CPED1: variants seen among roughly 807,000 people sequenced by gnomAD.
The protein encoded by CPED1 is cadherin like and PC-esterase domain containing 1.
In CPED1, 114 loss-of-function variants were observed where a neutral mutation model predicts 128.2. The ratio of observed to expected loss-of-function variants is 0.89; its 90% CI spans 0.76 to 1.04. The LOEUF is 1.04. CPED1 is among the 50% of genes least tolerant of loss of function. The pLI is 0.00. For synonymous variants in CPED1, 462 were observed against 426.7 expected, an observed-to-expected ratio of 1.08 and a Z score of -1.02; for missense variants, 1,211 against 1,207.1, an observed-to-expected ratio of 1.00 and a Z score of -0.05.
intron 5 of CPED1, among the ~76,000 whole-genome samples, chr7:121,077,904 T>G (rs1259128016): frequency 1.3e-5 from 2 of 152,068 alleles, no homozygotes; most frequent in East Asian, 3.8e-4. Context: ...TACACCTCAC[T>G]TTCAGGCTTA....
chr7:121,129,306 T>C (rs901105919), intron 11 of CPED1, among the ~76,000 whole-genome samples: 237 of 4,116 alleles, frequency 0.058, 1 homozygote, highest in Admixed American at 0.24. Flanking sequence ...TATATATATA[T>C]ATATACGTAT....
chr7:121,059,993 G>C (rs1793610955), intron 4 of CPED1, among the ~76,000 whole-genome samples: 2 of 152,312 alleles, frequency 1.3e-5, no homozygotes, highest in South Asian at 4.1e-4. Flanking sequence ...GCGGGAACCC[G>C]GGCTGCGCGC....
At chr7:121,153,970 T>C (rs1368277815) in intron 16 of CPED1, among the ~76,000 whole-genome samples, 1 of 152,138 alleles carries the variant, frequency 6.6e-6, no homozygotes, top group Non-Finnish European at 1.5e-5. Context: ...TATATACAAA[T>C]CTGTTATAGA....
At chr7:121,208,956 T>C (rs1044730942) in intron 16 of CPED1, among the ~76,000 whole-genome samples, 3 of 152,016 alleles carry the variant, frequency 2.0e-5, no homozygotes, top group African/African-American at 7.2e-5. Context: ...AAAGAATACA[T>C]GAGTATAGCA....
Position 121,140,816 on chromosome 7 carries a change from T to C in CPED1, c.1700-11T>C, listed in dbSNP as rs1430302229. On this transcript the variant is annotated splice_polypyrimidine_tract_variant and intron_variant, in intron 14 of 22. Coordinates refer to ENST00000310396, the MANE Select transcript of CPED1 (RefSeq NM_024913.5). The stretch of plus-strand genomic sequence containing the variant: ...CAGTTGTCTTTGTCATTGTTTTTGT[T>C]TTTTTAACAGATGAAAACACACCAT... 6.3e-7 allele frequency: 1 copy of C among 1,597,964 alleles called. No individual in the cohort carries two copies.
chr7:121,207,276 A>T (rs572290266), intron 16 of CPED1, among the ~76,000 whole-genome samples: 16 of 150,390 alleles, frequency 1.1e-4, no homozygotes, highest in African/African-American at 3.0e-4. Flanking sequence ...AATGGAATTT[A>T]AAAAAAATTT....
chr7:121,266,909 T>G (rs150687295), intron 20 of CPED1, 101 bp downstream of exon 20: 27 of 816,756 alleles, frequency 3.3e-5, no homozygotes, highest in Non-Finnish European at 5.5e-5. Context: ...GAACAACTTA[T>G]AATTTATCAT....
rs72453872 is a variant in CPED1 at position 121,087,665 on chromosome 7, C to CTTTTTTTTTTTTTTTTTTTTTTTTTTTTT, written c.617-10033_617-10032insTTTTTTTTTTTTTTTTTTTTTTTTTTTTT. Among the ~76,000 whole-genome samples the CTTTTTTTTTTTTTTTTTTTTTTTTTTTTT allele has an allele frequency of 6.1e-5, 8 of 131,556 alleles. 1 individual carries two copies. The highest frequency in any genetic ancestry group is 1.6e-4 in the African/African-American group (5 of 31,764). 86.3% of individuals were successfully genotyped at this position (131,556 alleles called of 152,430 possible). On this transcript the variant is annotated intron_variant, in intron 5 of 22. Transcript: ENST00000310396. ...GGATTCTTTCTTTTTCTTTTCTTTC[C>CTTTTTTTTTTTTTTTTTTTTTTTTTTTTT]TGTTTTTTTTTTTTTGGCAGAGTCT...
chr7:121,199,427 C>G (rs145304607), intron 16 of CPED1, among the ~76,000 whole-genome samples: 1 of 151,802 alleles, frequency 6.6e-6, no homozygotes, highest in East Asian at 1.9e-4. Flanking sequence ...CACCTATAAT[C>G]CCAGCACGTT....
intron 5 of CPED1, among the ~76,000 whole-genome samples, chr7:121,083,352 A>T (rs905225478): frequency 1.3e-5 from 2 of 152,098 alleles, no homozygotes; most frequent in Admixed American, 6.6e-5. Flanking sequence ...CACATGGGGC[A>T]CTTGGAAGGG....
intron 5 of CPED1, among the ~76,000 whole-genome samples, chr7:121,088,763 C>CAAAAAAAAAAAGAAAAAAAAAAAAAAAA (rs1794503178): frequency 1.9e-5 from 1 of 53,794 alleles, no homozygotes; most frequent in Non-Finnish European, 3.4e-5. Flanking sequence ...CAAAAATTGG[C>CAAAAAAAAAAAGAAAAAAAAAAAAAAAA]AAAAAAAAAA....
intron 7 of CPED1, among the ~76,000 whole-genome samples, chr7:121,117,529 A>T (rs1225308959): frequency 6.6e-6 from 1 of 151,600 alleles, no homozygotes; most frequent in Non-Finnish European, 1.5e-5. Context: ...TAAAAATCTG[A>T]TTTTTTTCCT....
At position 121,295,915 on chromosome 7, in the gene CPED1, T is replaced by C; in HGVS notation, c.*263T>C. 2.9e-6 allele frequency: 1 copy of C among 343,154 alleles called. No homozygotes were observed. Among genetic ancestry groups the C allele is most frequent in the East Asian group, 5.5e-5 (1 of 18,090 alleles). The allele number at this position is 343,154 out of a possible 1,614,324, so 21.3% of individuals were successfully genotyped here. A position where few individuals can be genotyped will look rare whatever the true frequency, so the allele number is the denominator to read the frequency against. ...TAGAGAAACGTTACTTGAAGCATAATTATTAACCAGAACCACTGTGGGCCA... is the reference window on the plus strand; with the variant it reads ...TAGAGAAACGTTACTTGAAGCATAACTATTAACCAGAACCACTGTGGGCCA... On this transcript the variant is annotated 3_prime_UTR_variant, in exon 23 of 23. Transcript: ENST00000310396.
chr7:121,024,887 A>C (rs961470854), intron 3 of CPED1, among the ~76,000 whole-genome samples: 2 of 152,262 alleles, frequency 1.3e-5, no homozygotes, highest in Middle Eastern at 6.8e-3. Context: ...TTGTGGATTA[A>C]CTAAAAAGGG....
At chr7:121,024,340 T>C (rs1197123805) in intron 3 of CPED1, among the ~76,000 whole-genome samples, 1 of 152,190 alleles carries the variant, frequency 6.6e-6, no homozygotes. Flanking sequence ...TACCCTTCGC[T>C]GTGCACAGAG....
At chr7:121,229,444 T>G (rs1052451219) in intron 16 of CPED1, among the ~76,000 whole-genome samples, 5 of 152,018 alleles carry the variant, frequency 3.3e-5, no homozygotes, top group Non-Finnish European at 7.4e-5. Flanking sequence ...TCAGTCTTCT[T>G]GCCAAAAGGA....
intron 5 of CPED1, among the ~76,000 whole-genome samples, chr7:121,077,548 G>A (rs1189977571): frequency 6.6e-6 from 1 of 151,638 alleles, no homozygotes; most frequent in Non-Finnish European, 1.5e-5. Flanking sequence ...TTATTGGTGG[G>A]AAACTGAAGA....
chr7:121,273,043 C>G (rs1292141819), intron 22 of CPED1, among the ~76,000 whole-genome samples: 1 of 151,886 alleles, frequency 6.6e-6, no homozygotes, highest in East Asian at 1.9e-4. Context: ...GTTATTTGCT[C>G]TAGGAGATTC....
intron 3 of CPED1, among the ~76,000 whole-genome samples, chr7:121,036,860 T>C (rs1030286402): frequency 1.3e-5 from 2 of 152,194 alleles, no homozygotes; most frequent in African/African-American, 2.4e-5. Context: ...TATCACATTG[T>C]GGTTTTGATT....
Sources: gnomAD v4.1 joint callset for allele counts (sites outside exome capture counted in the v4.1 genomes callset) on GRCh38, gnomAD v4.1.1 for gene constraint, MANE v1.5 for transcripts, NCBI Gene and HGNC (gene_info 2026-07-23, HGNC 2026-07-21) for gene names.